The following CEP63 variants were observed in gnomAD, a reference collection of about 807,000 sequenced individuals.
The protein encoded by CEP63 is centrosomal protein of 63 kDa.
CEP63 carries 84 observed loss-of-function variants against 89.1 expected under a neutral mutation model. The ratio of observed to expected loss-of-function variants is 0.94; its 90% confidence interval spans 0.79 to 1.13. The LOEUF is 1.13. Ranked by LOEUF, CEP63 falls within the 50% of genes most tolerant of loss-of-function variation. CEP63 has a pLI of 0.00. For missense variants in CEP63, 838 were observed against 813.3 expected, an observed-to-expected ratio of 1.03 and a Z score of -0.37; for synonymous variants, 267 against 272.5, an observed-to-expected ratio of 0.98 and a Z score of 0.20.
the CEP63 span, among the ~76,000 whole-genome samples, chr3:134,675,546 A>G: frequency 6.6e-6 from 1 of 152,228 alleles, no homozygotes; most frequent in South Asian, 2.1e-4. Context: ...CTTTCTAAAA[A>G]CAAAATGTGT....
chr3:134,536,998 C>T (rs537266720), intron 5 of CEP63, 157 bp from the exon 6 acceptor site: 35 of 678,552 alleles, frequency 5.2e-5, no homozygotes, highest in Non-Finnish European at 9.7e-5. Flanking sequence ...TATTACTCTC[C>T]AGCTCTGTTA....
chr3:134,687,893 A>T, the CEP63 span, among the ~76,000 whole-genome samples: 2 of 152,186 alleles, frequency 1.3e-5, no homozygotes, highest in Admixed American at 1.3e-4. Context: ...AAATAGCTCA[A>T]ATGAAACAGG....
chr3:134,568,035 A>G (rs1957858769), downstream of CEP63, among the ~76,000 whole-genome samples: 1 of 152,240 alleles, frequency 6.6e-6, no homozygotes, highest in South Asian at 2.1e-4. Context: ...TACATTACCT[A>G]AACCTGCTTT....
At chr3:134,517,687 G>A (rs1946553563) in intron 3 of CEP63, among the ~76,000 whole-genome samples, 1 of 152,138 alleles carries the variant, frequency 6.6e-6, no homozygotes, top group South Asian at 2.1e-4. Flanking sequence ...TTGGAAATTA[G>A]GACATGAAGT....
intron 3 of CEP63, among the ~76,000 whole-genome samples, chr3:134,508,592 A>T (rs1422833466): frequency 6.6e-6 from 1 of 152,182 alleles, no homozygotes; most frequent in Non-Finnish European, 1.5e-5. Context: ...TTAAAGAATT[A>T]TGTGTGATTA....
chr3:134,506,250 A>T (rs1055160961), intron 2 of CEP63, among the ~76,000 whole-genome samples: 3 of 152,218 alleles, frequency 2.0e-5, no homozygotes, highest in Admixed American at 2.0e-4. Context: ...GTAGGTTTAC[A>T]ATAGTAAGGT....
intron 12 of CEP63, chr3:134,552,569 G>C (rs942084767): frequency 1.3e-5 from 2 of 152,632 alleles, no homozygotes; most frequent in African/African-American, 2.4e-5. Context: ...TTAGTTGGAA[G>C]AATGTATATG....
At chr3:134,771,712 C>A in the CEP63 span, among the ~76,000 whole-genome samples, 1 of 152,260 alleles carries the variant, frequency 6.6e-6, no homozygotes, top group South Asian at 2.1e-4. Flanking sequence ...GTGCAGCAAA[C>A]CACCACGGCA....
the CEP63 span, among the ~76,000 whole-genome samples, chr3:134,662,052 A>G: frequency 6.6e-6 from 1 of 152,186 alleles, no homozygotes; most frequent in Admixed American, 6.5e-5. Context: ...CGAGGTGGGT[A>G]GATCACCTGA....
chr3:134,547,614 C>CTTT lies in CEP63; in HGVS notation c.1067+155_1067+157dup, dbSNP rs62656962. 355 of 278,256 alleles carry CTTT rather than the reference C, an allele frequency of 1.3e-3. 83 individuals carry two copies. The highest frequency in any genetic ancestry group is 3.6e-3 in the East Asian group (34 of 9,426). The allele number at this position is 278,256 out of a possible 1,614,324, so 17.2% of individuals were successfully genotyped here. On this transcript the variant is annotated intron_variant, in intron 9 of 14. Coordinates refer to ENST00000675561, the MANE Select transcript of CEP63 (RefSeq NM_001353108.3). The stretch of plus-strand genomic sequence containing the variant: ...CCACAAATGGCCTAAGTTCTTATTT[C>CTTT]TTTTTTTTTTTTTTTGAGACGGAGT...
At chr3:134,592,025 C>CG (rs1460213744), downstream of CEP63, among the ~76,000 whole-genome samples, 6 of 152,148 alleles carry the variant, frequency 3.9e-5, no homozygotes, top group African/African-American at 1.4e-4. Context: ...TTTTCAGGGT[C>CG]AGGAATTTAG....
At chr3:134,609,839 T>C in the CEP63 span, among the ~76,000 whole-genome samples, 1 of 152,164 alleles carries the variant, frequency 6.6e-6, no homozygotes, top group Non-Finnish European at 1.5e-5. Context: ...CCTGGTAATG[T>C]GGTCAATGGC....
chr3:134,774,125 GTC>G, the CEP63 span, among the ~76,000 whole-genome samples: 1 of 152,178 alleles, frequency 6.6e-6, no homozygotes, highest in African/African-American at 2.4e-5. Context: ...AGGAAAGGGG[GTC>G]CCATTGACAT....
chr3:134,526,714 T>G (rs1171992127), intron 3 of CEP63, among the ~76,000 whole-genome samples: 2 of 152,186 alleles, frequency 1.3e-5, no homozygotes, highest in Admixed American at 6.5e-5. Flanking sequence ...CACTATTTCT[T>G]TCTCATCTTT....
the CEP63 span, among the ~76,000 whole-genome samples, chr3:134,741,563 GA>G: frequency 1.3e-5 from 2 of 152,154 alleles, no homozygotes; most frequent in Non-Finnish European, 2.9e-5. Flanking sequence ...TCCTTTCAAG[GA>G]AATGTCTATC....
At chr3:134,570,979 C>T (rs1957986244) in intron 11 of CEP63, among the ~76,000 whole-genome samples, 3 of 152,210 alleles carry the variant, frequency 2.0e-5, no homozygotes, top group Admixed American at 2.0e-4. Flanking sequence ...GAGACTTATT[C>T]ATCACAGACT....
chr3:134,674,784 T>C, the CEP63 span, among the ~76,000 whole-genome samples: 1 of 152,078 alleles, frequency 6.6e-6, no homozygotes, highest in African/African-American at 2.4e-5. Flanking sequence ...CAGTGAACAT[T>C]CCAAGAATGA....
intron 2 of CEP63, among the ~76,000 whole-genome samples, chr3:134,498,589 T>C (rs1016135746): frequency 3.9e-5 from 6 of 152,194 alleles, no homozygotes; most frequent in Admixed American, 1.3e-4. Context: ...CTTTCAGTTA[T>C]GTGTTGAATG....
At chr3:134,681,667 G>A in the CEP63 span, among the ~76,000 whole-genome samples, 3 of 152,208 alleles carry the variant, frequency 2.0e-5, no homozygotes, top group East Asian at 1.9e-4. Flanking sequence ...GCATGGGGGC[G>A]GGAAAGAGCG....
Sources: gnomAD v4.1 joint callset for allele counts (sites outside exome capture counted in the v4.1 genomes callset) on GRCh38, gnomAD v4.1.1 for gene constraint, MANE v1.5 for transcripts, NCBI Gene and HGNC (gene_info 2026-07-23, HGNC 2026-07-21) for gene names.